Variants in IGFBP7 observed in about 807,000 individuals in gnomAD.
IGFBP7 encodes the protein insulin like growth factor binding protein 7, also known as insulin-like growth factor-binding protein 7.
IGFBP7 carries 31 observed loss-of-function variants against 29.4 expected under a neutral mutation model. The ratio of observed to expected loss-of-function variants is 1.05; its 90% confidence interval spans 0.79 to 1.42. The LOEUF (loss-of-function observed/expected upper bound fraction) is 1.42. Ranked by LOEUF, IGFBP7 falls within the 40% of genes most tolerant of loss-of-function variation. The pLI, the probability that IGFBP7 is intolerant of heterozygous loss-of-function variation, is 0.00. For missense variants in IGFBP7, 393 were observed against 395.5 expected (o/e 0.99, Z 0.05); for synonymous variants, 172 against 174.9 (o/e 0.98, Z 0.13).
intron 1 of IGFBP7, among the ~76,000 whole-genome samples, chr4:57,075,074 C>T (rs758716436): frequency 1.9e-4 from 29 of 152,272 alleles, no homozygotes; most frequent in Admixed American, 1.5e-3. Context: ...CTCTGCACAC[C>T]GTGTCTTTGA....
intron 1 of IGFBP7, among the ~76,000 whole-genome samples, chr4:57,042,159 G>A (rs989970502): frequency 6.6e-6 from 1 of 152,114 alleles, no homozygotes. Context: ...TCTGTATCAT[G>A]GCACCCTCTG....
intron 1 of IGFBP7, among the ~76,000 whole-genome samples, chr4:57,106,110 G>A (rs560084420): frequency 6.6e-6 from 1 of 152,044 alleles, no homozygotes; most frequent in Non-Finnish European, 1.5e-5. Context: ...GTTTCATTGT[G>A]TTAGCCAGGA....
In IGFBP7 at chr4:57,110,092, C is replaced by CACTCCATGCCCGGCGCGCAGT. The variant is rs1726150725; in HGVS notation, c.239_259dup (p.Tyr80_Glu86dup). The CACTCCATGCCCGGCGCGCAGT allele has an allele frequency of 1.9e-6, 3 of 1,542,886 alleles. No homozygotes were observed. Among genetic ancestry groups the CACTCCATGCCCGGCGCGCAGT allele is most frequent in the Non-Finnish European group, 2.6e-6 (3 of 1,151,164 alleles). On this transcript the variant is annotated inframe_insertion, in exon 1 of 5. Transcript: ENST00000295666. ...CTTCCGCCTCTTGCGGCTCTTCACG[C>CACTCCATGCCCGGCGCGCAGT]ACTCCATGCCCGGCGCGCAGTACCC... is the stretch of plus-strand genomic sequence containing the variant.
intron 1 of IGFBP7, among the ~76,000 whole-genome samples, chr4:57,076,379 G>A (rs1329803620): frequency 6.6e-6 from 1 of 152,210 alleles, no homozygotes; most frequent in Non-Finnish European, 1.5e-5. Context: ...ATGCCATGAA[G>A]CCTCTACCAT....
chr4:57,092,041 T>C (rs113240970), intron 1 of IGFBP7, among the ~76,000 whole-genome samples: 2,581 of 152,326 alleles, frequency 0.017, 72 homozygotes, highest in African/African-American at 0.059. Context: ...AGGTATGCCA[T>C]TGACTGTAGT....
chr4:57,034,858 G>A (rs539167699), intron 2 of IGFBP7, among the ~76,000 whole-genome samples: 7 of 152,188 alleles, frequency 4.6e-5, no homozygotes, highest in African/African-American at 1.2e-4. Context: ...AGAAAACCAC[G>A]TAACTTAATG....
intron 1 of IGFBP7, among the ~76,000 whole-genome samples, chr4:57,088,009 C>A (rs1725536987): frequency 6.6e-6 from 1 of 152,186 alleles, no homozygotes; most frequent in African/African-American, 2.4e-5. Context: ...TGCTTTGTCA[C>A]CCAGGCTGGA....
At chr4:57,057,815 A>G (rs4611987) in intron 1 of IGFBP7, among the ~76,000 whole-genome samples, 125,455 of 152,186 alleles carry the variant, frequency 0.82, 52,041 homozygotes, top group East Asian at 0.97. Flanking sequence ...TTGTCAACAA[A>G]GGGGAAGAGG....
chr4:57,068,454 G>A (rs1026700963), intron 1 of IGFBP7, among the ~76,000 whole-genome samples: 5 of 152,112 alleles, frequency 3.3e-5, no homozygotes, highest in Non-Finnish European at 5.9e-5. Context: ...AGTGACAAGC[G>A]ATGACAATAA....
chr4:57,048,276 C>A (rs962486074), intron 1 of IGFBP7, among the ~76,000 whole-genome samples: 1 of 151,402 alleles, frequency 6.6e-6, no homozygotes, highest in Non-Finnish European at 1.5e-5. Context: ...GTCTCGATCT[C>A]CTGACCTCGT....
chr4:57,101,130 T>C (rs889739881), intron 1 of IGFBP7, among the ~76,000 whole-genome samples: 1 of 152,268 alleles, frequency 6.6e-6, no homozygotes, highest in Non-Finnish European at 1.5e-5. Context: ...ATATCTGTTA[T>C]GTAATTTGAC....
chr4:57,046,224 C>T lies in IGFBP7; in HGVS notation c.476-5291G>A, dbSNP rs115053834. ...CCCAACAATGCTGCACTCTCCTCCC[C>T]GACTCTCAAGAACTATCATCCCACA... On this transcript the variant is annotated intron_variant, in intron 1 of 4. Coordinates refer to ENST00000295666, the MANE Select transcript of IGFBP7 (RefSeq NM_001553.3). 6.7e-3 allele frequency among the ~76,000 whole-genome samples: 1,018 copies of T among 152,056 alleles called. 13 individuals are homozygous for T. The highest frequency in any genetic ancestry group is 0.023 in the African/African-American group (942 of 41,476).
rs764287763 is a variant in IGFBP7 at position 57,086,263 on chromosome 4, AC to A, written c.475+23613del. 3.3e-5 allele frequency among the ~76,000 whole-genome samples: 5 copies of A among 152,286 alleles called. No individual in the cohort carries two copies. The South Asian group carries it at 1.0e-3, about 32-fold the overall frequency. On this transcript the variant is annotated intron_variant, in intron 1 of 4. Coordinates refer to ENST00000295666, the MANE Select transcript of IGFBP7 (RefSeq NM_001553.3). ...TGCCTCCATGATTCAATGACCTTCC[AC>A]CAGGTCTCTCCCATGACACTTGGAG...
intron 1 of IGFBP7, among the ~76,000 whole-genome samples, chr4:57,059,243 GGA>G (rs1359351877): frequency 3.3e-5 from 5 of 152,122 alleles, no homozygotes; most frequent in Non-Finnish European, 7.3e-5. Flanking sequence ...TTCTATTGCT[GGA>G]TATATACCCA....
At chr4:57,067,262 A>AC (rs1326673825) in intron 1 of IGFBP7, among the ~76,000 whole-genome samples, 1 of 152,156 alleles carries the variant, frequency 6.6e-6, no homozygotes, top group East Asian at 1.9e-4. Flanking sequence ...CCTCCCAGGG[A>AC]CCCCAAAACG....
intron 4 of IGFBP7, 76 bp downstream of exon 4, chr4:57,032,350 C>A: frequency 6.4e-7 from 1 of 1,568,372 alleles, no homozygotes; most frequent in African/African-American, 1.4e-5. Context: ...ACGTCTGATA[C>A]TTTCATACTT....
intron 1 of IGFBP7, among the ~76,000 whole-genome samples, chr4:57,094,915 C>G (rs1193811772): frequency 6.6e-6 from 1 of 152,226 alleles, no homozygotes; most frequent in Non-Finnish European, 1.5e-5. Flanking sequence ...GTCACGGGGT[C>G]CCCACTGAGG....
intron 2 of IGFBP7, among the ~76,000 whole-genome samples, chr4:57,039,699 C>T (rs1469318816): frequency 2.7e-5 from 4 of 146,012 alleles, no homozygotes; most frequent in Non-Finnish European, 5.9e-5. Flanking sequence ...AATCACAGCT[C>T]ACTGCAGCCT....
At chr4:57,072,665 G>T (rs1725082526) in intron 1 of IGFBP7, 2 of 263,828 alleles carry the variant, frequency 7.6e-6, no homozygotes, top group Non-Finnish European at 1.5e-5. Flanking sequence ...CACCAGCAGG[G>T]GTGCTGCCCG....
Sources: allele counts gnomAD v4.1 joint callset (sites outside exome capture counted in the v4.1 genomes callset), GRCh38; gene constraint gnomAD v4.1.1; transcripts MANE v1.5; gene names NCBI Gene and HGNC (gene_info 2026-07-23, HGNC 2026-07-21).